The following FMN1 variants were observed in gnomAD, a reference collection of about 807,000 sequenced individuals.
FMN1 encodes formin-1.
In FMN1, 110 loss-of-function variants were observed where a neutral mutation model predicts 132.4. The observed-to-expected ratio is 0.83, with a 90% CI of 0.71 to 0.97. The LOEUF is 0.97. Ranked by LOEUF, FMN1 falls within the 50% of genes least tolerant of loss-of-function variation. FMN1 has a pLI of 0.00. For synonymous variants in FMN1, 722 were observed against 651.7 expected, an observed-to-expected ratio of 1.11 and a Z score of -1.64; for missense variants, 1,792 against 1,705.3, an observed-to-expected ratio of 1.05 and a Z score of -0.90.
At chr15:33,152,628 A>G (rs1277840435) in intron 4 of FMN1, among the ~76,000 whole-genome samples, 2 of 152,106 alleles carry the variant, frequency 1.3e-5, no homozygotes, top group Admixed American at 1.3e-4. Context: ...GAGAATCCCT[A>G]GAATGACTCC....
At chr15:33,010,631 A>C (rs910833463) in intron 6 of FMN1, among the ~76,000 whole-genome samples, 1 of 152,184 alleles carries the variant, frequency 6.6e-6, no homozygotes, top group Non-Finnish European at 1.5e-5. Context: ...ATAGATTATA[A>C]AGAGAAAAAG....
chr15:32,866,087 G>A (rs1253198816), intron 16 of FMN1, among the ~76,000 whole-genome samples: 5 of 151,680 alleles, frequency 3.3e-5, no homozygotes, highest in Non-Finnish European at 7.4e-5. Flanking sequence ...GTGGGGTGGC[G>A]GGAGTGGGGA....
At chr15:33,047,912 T>TA (rs1379005092) in intron 6 of FMN1, among the ~76,000 whole-genome samples, 1 of 152,172 alleles carries the variant, frequency 6.6e-6, no homozygotes, top group East Asian at 1.9e-4. Context: ...TGAAAAATCT[T>TA]ACAACTATTG....
intron 4 of FMN1, among the ~76,000 whole-genome samples, chr15:33,107,416 T>C (rs1192488563): frequency 6.6e-6 from 1 of 151,996 alleles, no homozygotes; most frequent in Non-Finnish European, 1.5e-5. Flanking sequence ...CCCATCATAG[T>C]TAAAATAAAA....
chr15:33,080,260 T>C (rs543002253), intron 5 of FMN1, among the ~76,000 whole-genome samples: 6 of 152,364 alleles, frequency 3.9e-5, no homozygotes, highest in Admixed American at 3.9e-4. Flanking sequence ...ATCTGTGCAT[T>C]TACTGATGTT....
intron 7 of FMN1, among the ~76,000 whole-genome samples, chr15:33,004,070 A>T (rs1037780796): frequency 3.3e-5 from 5 of 152,312 alleles, no homozygotes; most frequent in African/African-American, 9.6e-5. Flanking sequence ...CTTACATGTT[A>T]GACCTAAAAC....
chr15:32,864,267 G>C (rs2059342661), intron 16 of FMN1, among the ~76,000 whole-genome samples: 1 of 152,138 alleles, frequency 6.6e-6, no homozygotes, highest in Non-Finnish European at 1.5e-5. Flanking sequence ...AATCTTGGCA[G>C]GGTTAAGAGT....
intron 7 of FMN1, among the ~76,000 whole-genome samples, chr15:32,985,580 C>T (rs1234739521): frequency 6.6e-6 from 1 of 152,116 alleles, no homozygotes; most frequent in Non-Finnish European, 1.5e-5. Context: ...TGCCCATGAA[C>T]AGCCTGTTAC....
chr15:32,889,430 C>T (rs1025398425), intron 15 of FMN1, among the ~76,000 whole-genome samples: 1 of 152,160 alleles, frequency 6.6e-6, no homozygotes, highest in African/African-American at 2.4e-5. Context: ...TCCCTACTGC[C>T]ATTAGGACTA....
intron 6 of FMN1, among the ~76,000 whole-genome samples, chr15:33,033,727 C>T (rs1035482237): frequency 2.6e-5 from 4 of 151,750 alleles, no homozygotes; most frequent in African/African-American, 9.7e-5. Context: ...ATACTGTCTC[C>T]AATTATCATT....
At chr15:33,062,622 A>C (rs899027619) in intron 6 of FMN1, 1 of 152,150 alleles carries the variant, frequency 6.6e-6, no homozygotes, top group East Asian at 1.9e-4. Context: ...ACTCCATCTC[A>C]AAAAAATAGT....
intron 4 of FMN1, among the ~76,000 whole-genome samples, chr15:33,093,131 T>A (rs1488263606): frequency 1.3e-5 from 2 of 152,110 alleles, no homozygotes; most frequent in Non-Finnish European, 2.9e-5. Context: ...TTCCTCTAAT[T>A]CTCCCATCAT....
chr15:33,074,278 CA>C (rs1417841246), intron 5 of FMN1, among the ~76,000 whole-genome samples: 1 of 152,214 alleles, frequency 6.6e-6, no homozygotes, highest in Non-Finnish European at 1.5e-5. Flanking sequence ...ACCTAATTCA[CA>C]GGAATATAAA....
At chr15:32,998,132 AG>A (rs904392045) in intron 7 of FMN1, among the ~76,000 whole-genome samples, 6 of 152,196 alleles carry the variant, frequency 3.9e-5, no homozygotes, top group Admixed American at 3.9e-4. Context: ...AATTATTCAA[AG>A]GAAGTTTTTA....
chr15:32,892,378 A>T (rs1343693172), intron 15 of FMN1, among the ~76,000 whole-genome samples: 1 of 152,188 alleles, frequency 6.6e-6, no homozygotes, highest in Non-Finnish European at 1.5e-5. Flanking sequence ...TGCGTATGTT[A>T]AAACCATCCC....
chr15:32,943,881 G>T (rs890219182), intron 9 of FMN1, among the ~76,000 whole-genome samples: 12 of 152,274 alleles, frequency 7.9e-5, no homozygotes, highest in African/African-American at 2.9e-4. Context: ...TTTCGCAATG[G>T]AAAGAAATTC....
chr15:33,122,358 G>A (rs1595521631), intron 4 of FMN1, among the ~76,000 whole-genome samples: 1 of 152,132 alleles, frequency 6.6e-6, no homozygotes, highest in African/African-American at 2.4e-5. Context: ...TTTAACCCAG[G>A]CATGTATTAA....
intron 5 of FMN1, among the ~76,000 whole-genome samples, chr15:33,068,959 C>T (rs553473591): frequency 3.3e-5 from 5 of 152,204 alleles, no homozygotes; most frequent in Admixed American, 2.0e-4. Flanking sequence ...CAGCAGGACA[C>T]GCCTCTCCCC....
chr15:32,983,536 T>TA lies in FMN1; in HGVS notation c.2224-14060dup, dbSNP rs1166435924. ...ATTATATCTCATCGAAAAAACCTCT[T>TA]AAAGATTGATATTATAAGTGAAACA... is the stretch of plus-strand genomic sequence containing the variant. On this transcript the variant is annotated intron_variant, in intron 7 of 20. Coordinates refer to ENST00000616417, the MANE Select transcript of FMN1 (RefSeq NM_001277313.2). Among the ~76,000 whole-genome samples, 3 of 152,154 alleles carry TA rather than the reference T, an allele frequency of 2.0e-5. No individual in the cohort carries two copies. In the East Asian group the frequency reaches 5.8e-4, roughly 29 times the overall value.
Sources: allele counts gnomAD v4.1 joint callset (sites outside exome capture counted in the v4.1 genomes callset), GRCh38; gene constraint gnomAD v4.1.1; transcripts MANE v1.5; gene names NCBI Gene and HGNC (gene_info 2026-07-23, HGNC 2026-07-21).